Variants in KCNMB2 observed in about 807,000 individuals in gnomAD.
The protein encoded by KCNMB2 is potassium calcium-activated channel subfamily M regulatory beta subunit 2, also known as calcium-activated potassium channel subunit beta-2.
A neutral mutation model predicts 24.5 loss-of-function variants in KCNMB2; 9 were observed. That is an observed-to-expected ratio of 0.37 (90% confidence interval 0.22 to 0.64). The LOEUF is 0.64. KCNMB2 is among the 30% of genes least tolerant of loss of function. KCNMB2 has a pLI of 0.63. For missense variants in KCNMB2, 226 were observed against 284.3 expected, an observed-to-expected ratio of 0.79 and a Z score of 1.47; for synonymous variants, 109 against 104.4, an observed-to-expected ratio of 1.04 and a Z score of -0.27.
At chr3:178,572,122 T>C (rs1716825472) in intron 1 of KCNMB2, among the ~76,000 whole-genome samples, 1 of 152,168 alleles carries the variant, frequency 6.6e-6, no homozygotes, top group Non-Finnish European at 1.5e-5. Context: ...TCCAAGCAAA[T>C]GGAAACATTT....
intron 2 of KCNMB2, among the ~76,000 whole-genome samples, chr3:178,822,835 T>C (rs1318725219): frequency 6.6e-6 from 1 of 152,232 alleles, no homozygotes; most frequent in Non-Finnish European, 1.5e-5. Context: ...TGACACTGAT[T>C]ACACTTCTTC....
In KCNMB2 at chr3:178,770,430, C is replaced by A. The variant is rs138069143; in HGVS notation, c.-67-36913C>A. ...AAATGCTGATCAAGAGGGATAGCCTCAGGTTTGGAGTGAACAGAAGATGAG... is the reference window on the plus strand; with the variant it reads ...AAATGCTGATCAAGAGGGATAGCCTAAGGTTTGGAGTGAACAGAAGATGAG... On this transcript the variant is annotated intron_variant, in intron 1 of 4. Coordinates refer to ENST00000452583, the MANE Select transcript of KCNMB2 (RefSeq NM_181361.3). 5.9e-5 allele frequency among the ~76,000 whole-genome samples: 9 copies of A among 152,326 alleles called. No individual in the cohort carries two copies. In the East Asian group the frequency reaches 1.7e-3, roughly 29 times the overall value.
chr3:178,796,803 A>C (rs538033543), intron 1 of KCNMB2, among the ~76,000 whole-genome samples: 1 of 152,086 alleles, frequency 6.6e-6, no homozygotes, highest in Non-Finnish European at 1.5e-5. Context: ...AAAGTAGAAA[A>C]ACTTCAAATA....
chr3:178,692,634 T>C (rs1721722491), intron 1 of KCNMB2, among the ~76,000 whole-genome samples: 1 of 152,190 alleles, frequency 6.6e-6, no homozygotes, highest in African/African-American at 2.4e-5. Flanking sequence ...CCATGCTGTT[T>C]TGGTTACTTC....
At chr3:178,784,865 C>A (rs566655197) in intron 1 of KCNMB2, among the ~76,000 whole-genome samples, 2 of 117,772 alleles carry the variant, frequency 1.7e-5, no homozygotes, top group African/African-American at 6.5e-5. Flanking sequence ...GGCCTTTTAC[C>A]TGAAGCCTTA....
At chr3:178,840,474 T>C (rs1438004712) in intron 4 of KCNMB2, among the ~76,000 whole-genome samples, 2 of 152,206 alleles carry the variant, frequency 1.3e-5, no homozygotes, top group African/African-American at 4.8e-5. Context: ...ACCCCATATT[T>C]CCCTTCTGCA....
chr3:178,826,342 G>A (rs566155848), intron 3 of KCNMB2, among the ~76,000 whole-genome samples: 116 of 152,344 alleles, frequency 7.6e-4, no homozygotes, highest in African/African-American at 2.6e-3. Context: ...CCAGTCACCA[G>A]TATCTATTAA....
rs563745974 is a variant in KCNMB2 at position 178,774,772 on chromosome 3, G to C, written c.-67-32571G>C. ...CCTTCTTTCCCCCTTTGTAATTTAGGATATGTCCAAAATGAGCAGACAGTA... is the reference window on the plus strand; with the variant it reads ...CCTTCTTTCCCCCTTTGTAATTTAGCATATGTCCAAAATGAGCAGACAGTA... On this transcript the variant is annotated intron_variant, in intron 1 of 4. Transcript: ENST00000452583. Among the ~76,000 whole-genome samples, 8 of 152,232 alleles carry C rather than the reference G, an allele frequency of 5.3e-5. No individual in the cohort carries two copies. In the South Asian group the frequency reaches 1.7e-3, roughly 32 times the overall value.
chr3:178,724,316 G>A (rs1176906017), intron 1 of KCNMB2, among the ~76,000 whole-genome samples: 1 of 151,900 alleles, frequency 6.6e-6, no homozygotes. Context: ...TTTTGAGAAG[G>A]ATCTGTTCAT....
At position 178,817,748 on chromosome 3, in the gene KCNMB2, G is replaced by A. The variant is rs116023822; in HGVS notation, c.57-7840G>A. ...GGACACTGATGGGAAGATAGAAACT[G>A]GAGGTCTGTTCTAGCCATCATTCCC... On this transcript the variant is annotated intron_variant, in intron 2 of 4. Coordinates refer to ENST00000452583, the MANE Select transcript of KCNMB2 (RefSeq NM_181361.3). Among the ~76,000 whole-genome samples, 404 of 152,226 alleles carry A rather than the reference G, an allele frequency of 2.7e-3. 2 individuals carry two copies. Among genetic ancestry groups the A allele is most frequent in the African/African-American group, 9.3e-3 (385 of 41,538 alleles).
chr3:178,831,462 G>T (rs1408759315), intron 4 of KCNMB2, among the ~76,000 whole-genome samples: 1 of 152,098 alleles, frequency 6.6e-6, no homozygotes, highest in East Asian at 1.9e-4. Context: ...CATGGCAGCA[G>T]TTCTCACAAT....
chr3:178,788,899 A>G (rs1203053083), intron 1 of KCNMB2, among the ~76,000 whole-genome samples: 1 of 152,222 alleles, frequency 6.6e-6, no homozygotes, highest in Non-Finnish European at 1.5e-5. Context: ...ATGTTTATCA[A>G]TATGTTCCCA....
At chr3:178,770,703 T>C (rs1367725230) in intron 1 of KCNMB2, among the ~76,000 whole-genome samples, 1 of 151,836 alleles carries the variant, frequency 6.6e-6, no homozygotes, top group Non-Finnish European at 1.5e-5. Context: ...TCTGATAGAG[T>C]CCATACACAT....
intron 1 of KCNMB2, among the ~76,000 whole-genome samples, chr3:178,683,169 C>T (rs966829402): frequency 5.9e-5 from 9 of 152,130 alleles, no homozygotes; most frequent in African/African-American, 1.9e-4. Context: ...GTGTTCTTTG[C>T]AGCAACATGA....
Position 178,649,501 on chromosome 3 carries a change from CTT to C in KCNMB2, c.-68+112799_-68+112800del, listed in dbSNP as rs10711859. 2.0e-5 allele frequency among the ~76,000 whole-genome samples: 3 copies of C among 149,236 alleles called. No homozygotes were observed. The East Asian group carries it at 5.9e-4, about 29-fold the overall frequency. On this transcript the variant is annotated intron_variant, in intron 1 of 4. Coordinates refer to ENST00000452583, the MANE Select transcript of KCNMB2 (RefSeq NM_181361.3). ...GGCTGTGAACCTGTCTAGTCCTGGG[CTT>C]TTTTTTTTGGTTGGTAGGCTATTAA...
At chr3:178,635,441 A>ACACACACC (rs773830659) in intron 1 of KCNMB2, among the ~76,000 whole-genome samples, 1 of 149,954 alleles carries the variant, frequency 6.7e-6, no homozygotes, top group Admixed American at 6.7e-5. Context: ...ACACACACAC[A>ACACACACC]CACTCCCTTC....
At chr3:178,773,711 C>T (rs1712470225) in intron 1 of KCNMB2, among the ~76,000 whole-genome samples, 1 of 152,180 alleles carries the variant, frequency 6.6e-6, no homozygotes. Context: ...CTCCTTTTCT[C>T]TTGCTGATAT....
At chr3:178,787,357 G>A (rs571195854) in intron 1 of KCNMB2, among the ~76,000 whole-genome samples, 59 of 151,978 alleles carry the variant, frequency 3.9e-4, no homozygotes, top group African/African-American at 1.3e-3. Flanking sequence ...ATATATTCAC[G>A]TTACATATAG....
At position 178,828,164 on chromosome 3, in the gene KCNMB2, C is replaced by T. The variant is rs35616186; in HGVS notation, c.228-14C>T. The T allele has an allele frequency of 0.22, 350,875 of 1,602,704 alleles. 42,027 individuals carry two copies. Among genetic ancestry groups the T allele is most frequent in the Middle Eastern group, 0.29 (1,741 of 6,010 alleles). ...CTCTTGGGCCTGTGTTTACTCTCAC[C>T]CCTTTCTCTGCAGCGTGTGGACCGA... On this transcript the variant is annotated splice_polypyrimidine_tract_variant and intron_variant, in intron 3 of 4. Transcript: ENST00000452583.
Sources: gnomAD v4.1 joint callset for allele counts (sites outside exome capture counted in the v4.1 genomes callset) on GRCh38, gnomAD v4.1.1 for gene constraint, MANE v1.5 for transcripts, NCBI Gene and HGNC (gene_info 2026-07-23, HGNC 2026-07-21) for gene names.